The following NRP2 variants were observed in gnomAD, a reference collection of about 807,000 sequenced individuals.
The protein encoded by NRP2 is neuropilin-2.
NRP2 carries 52 observed loss-of-function variants against 110.4 expected under a neutral mutation model. The observed-to-expected ratio is 0.47, with a 90% confidence interval of 0.38 to 0.59. The LOEUF (loss-of-function observed/expected upper bound fraction) is 0.59. Among genes scored for constraint, NRP2 ranks in the 20% least tolerant of loss-of-function variants. The pLI is 0.00. For missense variants in NRP2, 1,049 were observed against 1,203.0 expected, an observed-to-expected ratio of 0.87 and a Z score of 1.89; for synonymous variants, 508 against 468.9, an observed-to-expected ratio of 1.08 and a Z score of -1.08.
intron 12 of NRP2, chr2:205,760,702 T>C (rs2057806936): frequency 6.6e-6 from 1 of 152,210 alleles, no homozygotes. Flanking sequence ...GGCCTGGCTG[T>C]GCCTGGAGTT....
intron 3 of NRP2, among the ~76,000 whole-genome samples, 170 bp downstream of exon 3, chr2:205,716,544 A>AT (rs909084928): frequency 1.7e-4 from 20 of 115,048 alleles, no homozygotes; most frequent in Non-Finnish European, 2.6e-4. Context: ...GCCAGCTCAG[A>AT]TTATCCACCA....
chr2:205,790,393 C>T (rs546632608), intron 15 of NRP2, among the ~76,000 whole-genome samples: 2 of 152,296 alleles, frequency 1.3e-5, no homozygotes, highest in South Asian at 4.1e-4. Context: ...AGACTTCTTC[C>T]CTGAGGGTGT....
chr2:205,739,063 C>G (rs925211711), intron 7 of NRP2, among the ~76,000 whole-genome samples: 5 of 152,176 alleles, frequency 3.3e-5, no homozygotes, highest in Non-Finnish European at 5.9e-5. Context: ...CTGTAGACTT[C>G]TGTGCTGCTC....
chr2:205,704,767 T>C (rs968553194), intron 2 of NRP2, among the ~76,000 whole-genome samples: 1 of 152,232 alleles, frequency 6.6e-6, no homozygotes, highest in Non-Finnish European at 1.5e-5. Flanking sequence ...ATGCTTTATC[T>C]TCTGACTGAG....
intron 2 of NRP2, among the ~76,000 whole-genome samples, chr2:205,711,329 A>G (rs1575570825): frequency 6.6e-6 from 1 of 152,212 alleles, no homozygotes; most frequent in South Asian, 2.1e-4. Flanking sequence ...TCATAAACAA[A>G]TAGGTATATT....
At position 205,749,809 on chromosome 2, in the gene NRP2, C is replaced by T. The variant is rs770131547; in HGVS notation, c.1871C>T (p.Thr624Ile). 17 of 1,613,980 alleles carry T rather than the reference C, an allele frequency of 1.1e-5. No individual in the cohort carries two copies. Among genetic ancestry groups the T allele is most frequent in the South Asian group, 6.6e-5 (6 of 91,078 alleles). Reference sequence around the variant, plus strand: ...CCCTACCCCACCGAAGAGGAGGCCACAGAGTGTGGGGAGAACTGCAGCTTT... The same window carrying T: ...CCCTACCCCACCGAAGAGGAGGCCATAGAGTGTGGGGAGAACTGCAGCTTT... ...TTPYPTEEEA[T>I]ECGENCSFED... is the part of the protein sequence containing the mutation. The change falls in exon 11 of 17, where the codon ACA becomes ATA. Residue 624 changes from threonine to isoleucine, a missense_variant. Transcript: ENST00000357785.
intron 1 of NRP2, among the ~76,000 whole-genome samples, chr2:205,695,952 G>T (rs1161641303): frequency 6.6e-6 from 1 of 152,138 alleles, no homozygotes; most frequent in African/African-American, 2.4e-5. Context: ...GTCTTCATGG[G>T]CTGGGGTGGG....
chr2:205,718,608 A>C (rs541318913), intron 3 of NRP2, among the ~76,000 whole-genome samples: 4 of 152,286 alleles, frequency 2.6e-5, no homozygotes, highest in Admixed American at 2.6e-4. Flanking sequence ...CTGCCGTCAT[A>C]CCCACCTGCT....
chr2:205,749,552 T>C, intron 10 of NRP2, 173 bp from the exon 11 acceptor site: 1 of 598,978 alleles, frequency 1.7e-6, no homozygotes, highest in Non-Finnish European at 3.1e-6. Context: ...CCATTCTCAT[T>C]CTACTATGGT....
chr2:205,723,735 A>G lies in NRP2; in HGVS notation c.665-50A>G, dbSNP rs1308013370. On this transcript the variant is annotated intron_variant, in intron 4 of 16. Coordinates refer to ENST00000357785, the MANE Select transcript of NRP2 (RefSeq NM_003872.3). ...GGGAAGGGAAAACGGAGTGAAAACC[A>G]AGTTTGACATTTTGATTTCCACTGA... 5.0e-6 allele frequency: 8 copies of G among 1,606,618 alleles called. No individual in the cohort carries two copies. The Admixed American group carries it at 8.4e-5, about 17-fold the overall frequency.
intron 2 of NRP2, among the ~76,000 whole-genome samples, chr2:205,711,545 G>A (rs2056799018): frequency 6.6e-6 from 1 of 152,156 alleles, no homozygotes; most frequent in Non-Finnish European, 1.5e-5. Context: ...AAGAGCGCTT[G>A]CAAAGGCCCT....
intron 16 of NRP2, among the ~76,000 whole-genome samples, chr2:205,794,118 T>G (rs2058329658): frequency 6.6e-6 from 1 of 152,188 alleles, no homozygotes; most frequent in Non-Finnish European, 1.5e-5. Context: ...ATTTATTTAT[T>G]TATTTTTTTG....
chr2:205,781,650 T>C (rs2058175492), intron 15 of NRP2, among the ~76,000 whole-genome samples: 1 of 152,204 alleles, frequency 6.6e-6, no homozygotes, highest in Non-Finnish European at 1.5e-5. Flanking sequence ...GATCTGTAGG[T>C]GAAGGCTTGT....
At position 205,796,793 on chromosome 2, in the gene NRP2, G is replaced by A. The variant is rs2058355832; in HGVS notation, c.*1735G>A. 6.6e-6 allele frequency: 1 copy of A among 152,624 alleles called. No homozygotes were observed. The highest frequency in any genetic ancestry group is 2.1e-4 in the South Asian group (1 of 4,826). The allele number at this position is 152,624 out of a possible 1,614,324, so 9.5% of individuals were successfully genotyped here. Reference sequence around the variant, plus strand: ...AACGCCTAAGGATTGCCTGTGTGCTGGAAATATATTTGAAACTCAACCAGT... The same window carrying A: ...AACGCCTAAGGATTGCCTGTGTGCTAGAAATATATTTGAAACTCAACCAGT... On this transcript the variant is annotated 3_prime_UTR_variant, in exon 17 of 17. Coordinates refer to ENST00000357785, the MANE Select transcript of NRP2 (RefSeq NM_003872.3).
At position 205,763,168 on chromosome 2, in the gene NRP2, A is replaced by T. The variant is rs2057852213; in HGVS notation, c.2045-506A>T. Among the ~76,000 whole-genome samples the T allele has an allele frequency of 6.6e-6, 1 of 152,198 alleles. No individual in the cohort carries two copies. Among genetic ancestry groups the T allele is most frequent in the Non-Finnish European group, 1.5e-5 (1 of 68,040 alleles). On this transcript the variant is annotated intron_variant, in intron 12 of 16. Transcript: ENST00000357785. The surrounding 1 kb of genome is among the most constrained non-coding windows in gnomAD (Gnocchi z 4.0). ...GGTTTTAAATGTCAGCCATTTGGAC[A>T]GTGCCCAGCCAAGATGGCCAGGGCT...
chr2:205,694,226 A>G (rs2056375368), intron 1 of NRP2, among the ~76,000 whole-genome samples: 1 of 152,258 alleles, frequency 6.6e-6, no homozygotes. Flanking sequence ...AAACAATCTG[A>G]TATTTTACAT....
intron 15 of NRP2, among the ~76,000 whole-genome samples, chr2:205,780,401 G>A (rs958355636): frequency 3.3e-5 from 5 of 152,182 alleles, no homozygotes; most frequent in African/African-American, 1.2e-4. Context: ...GGTCTTTCTT[G>A]ATGAGTATTT....
At chr2:205,699,541 G>A (rs972503811) in intron 2 of NRP2, among the ~76,000 whole-genome samples, 2 of 152,218 alleles carry the variant, frequency 1.3e-5, no homozygotes, top group Admixed American at 1.3e-4. Context: ...TTAGGAGCTA[G>A]TAAGCATGGC....
chr2:205,717,750 G>A (rs1237345698), intron 3 of NRP2, among the ~76,000 whole-genome samples: 1 of 152,158 alleles, frequency 6.6e-6, no homozygotes, highest in Non-Finnish European at 1.5e-5. Flanking sequence ...GCAAAATTCA[G>A]ATCAATGCCA....
Sources: gnomAD v4.1 joint callset for allele counts (sites outside exome capture counted in the v4.1 genomes callset) on GRCh38, gnomAD v4.1.1 for gene constraint, Gnocchi (gnomAD v3.1) non-coding constraint, MANE v1.5 for transcripts, NCBI Gene and HGNC (gene_info 2026-07-23, HGNC 2026-07-21) for gene names.